Variants in NXPH1 observed in about 807,000 individuals in gnomAD.
NXPH1 encodes the protein neurexophilin-1.
In NXPH1, 5 loss-of-function variants were observed where a neutral mutation model predicts 23.7. That is an observed-to-expected ratio of 0.21 (90% CI 0.11 to 0.44). The LOEUF (loss-of-function observed/expected upper bound fraction) is 0.44. NXPH1 is among the 20% of genes least tolerant of loss of function. The pLI is 0.99. For missense variants in NXPH1, 324 were observed against 321.6 expected (o/e 1.01, Z -0.06); for synonymous variants, 144 against 122.2 (o/e 1.18, Z -1.18).
At chr7:8,518,398 T>C (rs557179656) in intron 2 of NXPH1, among the ~76,000 whole-genome samples, 6 of 152,256 alleles carry the variant, frequency 3.9e-5, no homozygotes, top group South Asian at 2.1e-4. Context: ...TTTTATTATA[T>C]ACCTAACACA....
chr7:8,612,640 A>G (rs560302019), intron 2 of NXPH1, among the ~76,000 whole-genome samples: 1 of 152,126 alleles, frequency 6.6e-6, no homozygotes, highest in African/African-American at 2.4e-5. Flanking sequence ...GAATATTTAA[A>G]AGATTCCATG....
chr7:8,502,720 G>A (rs1461778050), intron 2 of NXPH1, among the ~76,000 whole-genome samples: 1 of 151,588 alleles, frequency 6.6e-6, no homozygotes, highest in African/African-American at 2.4e-5. Flanking sequence ...TTAAGATCCA[G>A]AACTCATTAG....
At chr7:8,673,068 G>T (rs938543128) in intron 2 of NXPH1, among the ~76,000 whole-genome samples, 2 of 152,116 alleles carry the variant, frequency 1.3e-5, no homozygotes, top group Non-Finnish European at 2.9e-5. Context: ...AAACATCTTA[G>T]CAGGGTTGCT....
intron 2 of NXPH1, among the ~76,000 whole-genome samples, chr7:8,614,266 C>T (rs562506022): frequency 7.2e-5 from 11 of 151,870 alleles, no homozygotes; most frequent in Admixed American, 2.0e-4. Context: ...TTTTCTTATA[C>T]GGCATATACC....
At chr7:8,695,200 C>T (rs929386604) in intron 2 of NXPH1, among the ~76,000 whole-genome samples, 1 of 152,056 alleles carries the variant, frequency 6.6e-6, no homozygotes, top group Non-Finnish European at 1.5e-5. Flanking sequence ...AATATTAGCT[C>T]CAATTTAAGG....
chr7:8,729,844 T>C (rs1265716957), intron 2 of NXPH1, among the ~76,000 whole-genome samples: 3 of 151,554 alleles, frequency 2.0e-5, no homozygotes, highest in Admixed American at 1.3e-4. Flanking sequence ...GTTCTGTAGA[T>C]GTCTATTAGG....
intron 2 of NXPH1, among the ~76,000 whole-genome samples, chr7:8,650,997 G>A (rs1820482436): frequency 6.6e-6 from 1 of 151,494 alleles, no homozygotes; most frequent in East Asian, 1.9e-4. Context: ...TATACTTTAA[G>A]TTTTAGGGTA....
At chr7:8,461,984 T>C (rs981692783) in intron 2 of NXPH1, among the ~76,000 whole-genome samples, 2 of 152,146 alleles carry the variant, frequency 1.3e-5, no homozygotes, top group African/African-American at 2.4e-5. Context: ...TAGATGTTCT[T>C]TTCTTAAAAA....
chr7:8,751,188 C>G lies in NXPH1; in HGVS notation c.235C>G (p.Pro79Ala), dbSNP rs751954278. 3.1e-6 allele frequency: 5 copies of G among 1,613,640 alleles called. No individual in the cohort carries two copies. The highest frequency in any genetic ancestry group is 4.5e-5 in the East Asian group (2 of 44,882). The change falls in exon 3 of 3, where the codon CCA becomes GCA. Residue 79 changes from proline to alanine, a missense_variant. Coordinates refer to ENST00000405863, the MANE Select transcript of NXPH1 (RefSeq NM_152745.3). This position sits in a 1 kb window ranked among gnomAD's most constrained non-coding sequence, Gnocchi z 4.5. Reference protein sequence around the residue: ...DTDLDLRYDTPEPYSEQDLWD... With the variant: ...DTDLDLRYDTAEPYSEQDLWD... The stretch of plus-strand genomic sequence containing the variant: ...AGATTTGGACCTGAGATATGACACC[C>G]CAGAACCTTATTCTGAGCAAGACCT...
intron 2 of NXPH1, among the ~76,000 whole-genome samples, chr7:8,447,881 A>T (rs1816432949): frequency 6.6e-6 from 1 of 152,216 alleles, no homozygotes; most frequent in South Asian, 2.1e-4. Flanking sequence ...CAGGTGGCTG[A>T]TATTTTCCCA....
chr7:8,663,272 C>T (rs886514273), intron 2 of NXPH1, among the ~76,000 whole-genome samples: 2 of 152,078 alleles, frequency 1.3e-5, no homozygotes, highest in Admixed American at 6.6e-5. Context: ...CTTATCATCC[C>T]TTTCGCACTC....
chr7:8,601,247 T>A (rs775085993), intron 2 of NXPH1, among the ~76,000 whole-genome samples: 13 of 152,008 alleles, frequency 8.6e-5, no homozygotes, highest in East Asian at 3.9e-4. Flanking sequence ...GTTTTTTTTT[T>A]AAATCCCATT....
At chr7:8,548,329 C>G (rs1353150041) in intron 2 of NXPH1, among the ~76,000 whole-genome samples, 1 of 151,494 alleles carries the variant, frequency 6.6e-6, no homozygotes, top group Non-Finnish European at 1.5e-5. Flanking sequence ...TTTCAGAGAC[C>G]AATCTGCATG....
intron 2 of NXPH1, among the ~76,000 whole-genome samples, chr7:8,462,955 C>G (rs942406433): frequency 1.3e-5 from 2 of 152,116 alleles, no homozygotes; most frequent in African/African-American, 4.8e-5. Flanking sequence ...TTACAGACTA[C>G]CATGTTGCTG....
chr7:8,456,871 A>T, intron 2 of NXPH1, among the ~76,000 whole-genome samples: 1 of 152,148 alleles, frequency 6.6e-6, no homozygotes, highest in Non-Finnish European at 1.5e-5. Context: ...TTTTAAGTTT[A>T]TTCCTTGCCA....
chr7:8,485,725 A>G (rs1423620832), intron 2 of NXPH1, among the ~76,000 whole-genome samples: 1 of 152,058 alleles, frequency 6.6e-6, no homozygotes, highest in Non-Finnish European at 1.5e-5. Flanking sequence ...AAAAACAACT[A>G]TTTTTCAACT....
intron 2 of NXPH1, among the ~76,000 whole-genome samples, chr7:8,615,442 A>T (rs2128630377): frequency 6.6e-6 from 1 of 152,144 alleles, no homozygotes; most frequent in African/African-American, 2.4e-5. Flanking sequence ...GGGACTTAGT[A>T]AGCTTTCAAT....
rs184890984 is a variant in NXPH1, at chr7:8,654,743, A to C, written c.55-96265A>C. Among the ~76,000 whole-genome samples, 163 of 152,240 alleles carry C rather than the reference A, an allele frequency of 1.1e-3. 1 individual carries two copies. Among genetic ancestry groups the C allele is most frequent in the Admixed American group, 0.01 (155 of 15,292 alleles). On this transcript the variant is annotated intron_variant, in intron 2 of 2. Coordinates refer to ENST00000405863, the MANE Select transcript of NXPH1 (RefSeq NM_152745.3). ...TGGGAAGAGGTGCTCTAGGTGGGAC[A>C]CCCCTGCCTGCTCCAAATAATTCCT...
chr7:8,607,269 A>G (rs940769096), intron 2 of NXPH1, among the ~76,000 whole-genome samples: 1 of 152,196 alleles, frequency 6.6e-6, no homozygotes, highest in Non-Finnish European at 1.5e-5. Flanking sequence ...TAAATTTTAC[A>G]TGCTCTGGGT....
Sources: allele counts gnomAD v4.1 joint callset (sites outside exome capture counted in the v4.1 genomes callset), GRCh38; gene constraint gnomAD v4.1.1; non-coding constraint Gnocchi (gnomAD v3.1); transcripts MANE v1.5; gene names NCBI Gene and HGNC (gene_info 2026-07-23, HGNC 2026-07-21).